PRKAR1B: variants seen among roughly 807,000 people sequenced by gnomAD.
PRKAR1B encodes protein kinase cAMP-dependent type I regulatory subunit beta.
A neutral mutation model predicts 46.5 loss-of-function variants in PRKAR1B; 22 were observed. The observed-to-expected ratio is 0.47, with a 90% CI of 0.34 to 0.68. PRKAR1B has a LOEUF of 0.68. Ranked by LOEUF, PRKAR1B falls within the 30% of genes least tolerant of loss-of-function variation. PRKAR1B has a pLI of 0.01. For synonymous variants in PRKAR1B, 259 were observed against 217.7 expected, an observed-to-expected ratio of 1.19 and a Z score of -1.67; for missense variants, 445 against 535.6, an observed-to-expected ratio of 0.83 and a Z score of 1.67.
At chr7:711,672 T>C in intron 1 of PRKAR1B, 145 bp from the exon 2 acceptor site, 1 of 790,002 alleles carries the variant, frequency 1.3e-6, no homozygotes, top group Non-Finnish European at 2.0e-6. Context: ...TTTCATTCTG[T>C]GGGGCCAGGT....
At chr7:640,501 G>A (rs1186637181) in intron 4 of PRKAR1B, among the ~76,000 whole-genome samples, 3 of 152,078 alleles carry the variant, frequency 2.0e-5, no homozygotes, top group Non-Finnish European at 1.5e-5. Flanking sequence ...GGTGGCTCAC[G>A]CCTGTAATCC....
chr7:596,309 G>A lies in PRKAR1B; in HGVS notation c.550-5C>T. 6.2e-7 allele frequency: 1 copy of A among 1,607,414 alleles called. No individual in the cohort carries two copies. Among genetic ancestry groups the A allele is most frequent in the Non-Finnish European group, 8.5e-7 (1 of 1,175,280 alleles). Reference sequence around the variant, plus strand: ...CCACTCTCCGTTCACGTACACCTTTGGGGAGCAAGAGAGAGAAGTGTCACG... The same window carrying A: ...CCACTCTCCGTTCACGTACACCTTTAGGGAGCAAGAGAGAGAAGTGTCACG... On this transcript the variant is annotated splice_region_variant and splice_polypyrimidine_tract_variant and intron_variant, in intron 6 of 10. Coordinates refer to ENST00000537384, the MANE Select transcript of PRKAR1B (RefSeq NM_001164760.2).
chr7:722,882 A>G (rs1257787263), intron 1 of PRKAR1B, among the ~76,000 whole-genome samples: 2 of 151,744 alleles, frequency 1.3e-5, no homozygotes. Context: ...TGCTCTGTTC[A>G]GGTCCAGGGT....
In PRKAR1B at chr7:726,845, G is replaced by A. The variant is rs755239830; in HGVS notation, c.-23+365C>T. On this transcript the variant is annotated intron_variant, in intron 1 of 10. Transcript: ENST00000537384. ...CTGCTGCCGGGGCTGGAGGCCGACA[G>A]CAAGCCGGGCCGGCGGCGCGCCTTG... The A allele has an allele frequency of 2.3e-6, 3 of 1,323,048 alleles. No homozygotes were observed. The South Asian group carries it at 6.1e-5, about 27-fold the overall frequency. 82.0% of individuals were successfully genotyped at this position (1,323,048 alleles called of 1,614,324 possible).
At position 550,217 on chromosome 7, in the gene PRKAR1B, G is replaced by A. The variant is rs1583182047; in HGVS notation, c.*213C>T. The A allele has an allele frequency of 1.7e-6, 1 of 573,912 alleles. No homozygotes were observed. Among genetic ancestry groups the A allele is most frequent in the Non-Finnish European group, 3.1e-6 (1 of 321,332 alleles). The allele number at this position is 573,912 out of a possible 1,614,324, so 35.6% of individuals were successfully genotyped here. A position where few individuals can be genotyped will look rare whatever the true frequency, so the allele number is the denominator to read the frequency against. On this transcript the variant is annotated 3_prime_UTR_variant, in exon 11 of 11. Coordinates refer to ENST00000537384, the MANE Select transcript of PRKAR1B (RefSeq NM_001164760.2). ...CTGGCCTGTCCCTTCCTTGATCTTG[G>A]GATGCATTTTGTCCGCTTGTCCTTT...
chr7:578,955 G>A, intron 9 of PRKAR1B: 1 of 1,121,046 alleles, frequency 8.9e-7, no homozygotes, highest in Admixed American at 3.7e-5. Context: ...GTGCTGGGAT[G>A]ACAGGCGTGA....
At chr7:655,665 C>A (rs1583364933) in intron 4 of PRKAR1B, among the ~76,000 whole-genome samples, 1 of 152,192 alleles carries the variant, frequency 6.6e-6, no homozygotes, top group African/African-American at 2.4e-5. Flanking sequence ...TGTTGCGCAT[C>A]TTGTATCTGC....
In PRKAR1B at chr7:644,367, G is replaced by A. The variant is rs1216761066; in HGVS notation, c.440+32862C>T. ...AGGTACACAATGAGGTGGGGAAACT[G>A]AGGCGCGCACATTCGGAACGGGGTT... On this transcript the variant is annotated intron_variant, in intron 4 of 10. Transcript: ENST00000537384. This position sits in a 1 kb window ranked among gnomAD's most constrained non-coding sequence, Gnocchi z 4.9. 6.6e-6 allele frequency among the ~76,000 whole-genome samples: 1 copy of A among 152,184 alleles called. No homozygotes were observed. Among genetic ancestry groups the A allele is most frequent in the Non-Finnish European group, 1.5e-5 (1 of 68,020 alleles).
At chr7:632,344 G>A (rs932064536) in intron 4 of PRKAR1B, among the ~76,000 whole-genome samples, 1 of 152,124 alleles carries the variant, frequency 6.6e-6, no homozygotes, top group Non-Finnish European at 1.5e-5. Context: ...CACCGGCTTC[G>A]CAGAGACCCG....
At chr7:573,877 C>T (rs1252453140) in intron 9 of PRKAR1B, among the ~76,000 whole-genome samples, 3 of 152,188 alleles carry the variant, frequency 2.0e-5, no homozygotes, top group South Asian at 2.1e-4. Context: ...TGTCCTCAGC[C>T]GATGACCCCG....
In PRKAR1B at chr7:714,526, C is replaced by T. The variant is rs1780806196; in HGVS notation, c.-22-2999G>A. ...GCTCCTCTCCTCATTGCCACGACGGCAGCTCCCACTGCCTCTCTCTTTCAC... is the reference window on the plus strand; with the variant it reads ...GCTCCTCTCCTCATTGCCACGACGGTAGCTCCCACTGCCTCTCTCTTTCAC... On this transcript the variant is annotated intron_variant, in intron 1 of 10. Coordinates refer to ENST00000537384, the MANE Select transcript of PRKAR1B (RefSeq NM_001164760.2). This position sits in a 1 kb window ranked among gnomAD's most constrained non-coding sequence, Gnocchi z 4.3. Among the ~76,000 whole-genome samples the T allele has an allele frequency of 6.6e-6, 1 of 152,214 alleles. No homozygotes were observed. Among genetic ancestry groups the T allele is most frequent in the African/African-American group, 2.4e-5 (1 of 41,462 alleles).
chr7:656,659 A>C (rs1785212145), intron 4 of PRKAR1B, among the ~76,000 whole-genome samples: 2 of 151,958 alleles, frequency 1.3e-5, no homozygotes, highest in Admixed American at 1.3e-4. Flanking sequence ...ATGGATGAAT[A>C]AGTGGGTGAA....
In PRKAR1B at chr7:550,333, G is replaced by C; in HGVS notation, c.*97C>G. The C allele has an allele frequency of 1.3e-5, 15 of 1,174,956 alleles. 1 individual carries two copies. In the South Asian group the frequency reaches 2.1e-4, roughly 17 times the overall value. The allele number at this position is 1,174,956 out of a possible 1,614,324, so 72.8% of individuals were successfully genotyped here. A position where few individuals can be genotyped will look rare whatever the true frequency, so the allele number is the denominator to read the frequency against. On this transcript the variant is annotated 3_prime_UTR_variant, in exon 11 of 11. Transcript: ENST00000537384. The stretch of plus-strand genomic sequence containing the variant: ...CGCTGCCGGGACCCAGCCCCACCCG[G>C]CCCACACCTCACACAGCGGCTCCCG...
chr7:664,578 G>A (rs865804483), intron 4 of PRKAR1B, among the ~76,000 whole-genome samples: 2 of 152,146 alleles, frequency 1.3e-5, no homozygotes, highest in Admixed American at 6.5e-5. Context: ...ATGTGGTACC[G>A]GAGACCACAC....
intron 10 of PRKAR1B, among the ~76,000 whole-genome samples, chr7:551,062 C>T (rs1336280768): frequency 6.6e-6 from 1 of 151,390 alleles, no homozygotes; most frequent in East Asian, 2.0e-4. Context: ...TCAAGCCCAC[C>T]CACCCCCAGC....
intron 4 of PRKAR1B, among the ~76,000 whole-genome samples, chr7:635,703 G>C (rs1468967248): frequency 6.6e-6 from 1 of 152,144 alleles, no homozygotes; most frequent in African/African-American, 2.4e-5. Context: ...TTTGAGCAGG[G>C]GAGAGAAGGC....
rs368980987 is a variant in PRKAR1B, at chr7:579,382, C to G, written c.770-5G>C. On this transcript the variant is annotated splice_region_variant and splice_polypyrimidine_tract_variant and intron_variant, in intron 8 of 10. Coordinates refer to ENST00000537384, the MANE Select transcript of PRKAR1B (RefSeq NM_001164760.2). ...GCTCCCACTTCTCCAGGGACTCTGT[C>G]GGGGGAGGATGAGGACAGGTCATCC... The G allele has an allele frequency of 6.2e-7, 1 of 1,613,108 alleles. No homozygotes were observed. The highest frequency in any genetic ancestry group is 1.3e-5 in the African/African-American group (1 of 74,934).
At chr7:573,077 G>A (rs547944045) in intron 9 of PRKAR1B, among the ~76,000 whole-genome samples, 12 of 152,208 alleles carry the variant, frequency 7.9e-5, no homozygotes, top group Admixed American at 5.2e-4. Flanking sequence ...CTGGACGTGC[G>A]GTCCACAGCT....
Position 667,711 on chromosome 7 carries a change from G to T in PRKAR1B, c.440+9518C>A, listed in dbSNP as rs998591602. Among the ~76,000 whole-genome samples, 1 of 152,158 alleles carries T rather than the reference G, an allele frequency of 6.6e-6. No homozygotes were observed. Among genetic ancestry groups the T allele is most frequent in the Admixed American group, 6.5e-5 (1 of 15,272 alleles). On this transcript the variant is annotated intron_variant, in intron 4 of 10. Coordinates refer to ENST00000537384, the MANE Select transcript of PRKAR1B (RefSeq NM_001164760.2). This position sits in a 1 kb window ranked among gnomAD's most constrained non-coding sequence, Gnocchi z 4.3. Reference sequence around the variant, plus strand: ...CACAGGCTTAGGTGCCCAAGAACTCGAGCTCAAACCCTAGCTCTGCTCCTG... The same window carrying T: ...CACAGGCTTAGGTGCCCAAGAACTCTAGCTCAAACCCTAGCTCTGCTCCTG...
Sources: allele counts gnomAD v4.1 joint callset (sites outside exome capture counted in the v4.1 genomes callset), GRCh38; gene constraint gnomAD v4.1.1; non-coding constraint Gnocchi (gnomAD v3.1); transcripts MANE v1.5; gene names NCBI Gene and HGNC (gene_info 2026-07-23, HGNC 2026-07-21).